SFXN4: variants seen among roughly 807,000 people sequenced by gnomAD.
SFXN4 encodes sideroflexin-4.
SFXN4 carries 48 observed loss-of-function variants against 54.6 expected under a neutral mutation model. The ratio of observed to expected loss-of-function variants is 0.88; its 90% CI spans 0.70 to 1.12. The LOEUF (loss-of-function observed/expected upper bound fraction) is 1.12. Ranked by LOEUF, SFXN4 falls within the 50% of genes most tolerant of loss-of-function variation. The pLI is 0.00. For synonymous variants in SFXN4, 130 were observed against 145.5 expected (o/e 0.89, Z 0.77); for missense variants, 383 against 409.2 (o/e 0.94, Z 0.55).
intron 2 of SFXN4, 48 bp downstream of exon 2, chr10:119,164,083 G>C: frequency 1.4e-6 from 1 of 710,298 alleles, no homozygotes; most frequent in Admixed American, 2.6e-5. Flanking sequence ...CAGACTTCAA[G>C]TTTCAAAATA....
In SFXN4 at chr10:119,154,702, T is replaced by C. The variant is rs112618439; in HGVS notation, c.732+360A>G. Among the ~76,000 whole-genome samples the C allele has an allele frequency of 3.9e-3, 589 of 152,182 alleles. 4 individuals are homozygous for C. The highest frequency in any genetic ancestry group is 0.013 in the African/African-American group (559 of 41,514). ...CAAAAATAAGCCAGGTGCAGTGGTG[T>C]GTGCCTGTGGTCCCAGCTACTTGAG... On this transcript the variant is annotated intron_variant, in intron 11 of 13. Transcript: ENST00000355697.
intron 10 of SFXN4, among the ~76,000 whole-genome samples, chr10:119,155,583 C>T (rs1847249734): frequency 6.6e-6 from 1 of 152,176 alleles, no homozygotes; most frequent in Admixed American, 6.5e-5. Context: ...ACCTCCGCCT[C>T]CCGGGTTCAA....
chr10:119,163,719 T>C (rs986619706), intron 2 of SFXN4, among the ~76,000 whole-genome samples: 17 of 152,246 alleles, frequency 1.1e-4, no homozygotes, highest in Admixed American at 9.8e-4. Context: ...ACGCTTTTCC[T>C]TACCCCTTCC....
chr10:119,157,033 C>T (rs1190974661), intron 9 of SFXN4, among the ~76,000 whole-genome samples: 2 of 152,208 alleles, frequency 1.3e-5, no homozygotes, highest in African/African-American at 2.4e-5. Context: ...CTGATGCCAA[C>T]ATCTCCCCAT....
chr10:119,155,040 A>G (rs12767617), intron 11 of SFXN4, 22 bp downstream of exon 11: 2 of 1,561,726 alleles, frequency 1.3e-6, no homozygotes, highest in Non-Finnish European at 1.8e-6. Context: ...GCAAGCAGCT[A>G]TAGCTTCATC....
Position 119,160,594 on chromosome 10 carries a change from T to C in SFXN4, c.334+321A>G, listed in dbSNP as rs1349230871. On this transcript the variant is annotated intron_variant, in intron 5 of 13. Transcript: ENST00000355697. Reference sequence around the variant, plus strand: ...GCAGGCAGAGTTTTCTTTTCTTTTTTTTTTTTTTTTTGGACACGGAGTTTC... The same window carrying C: ...GCAGGCAGAGTTTTCTTTTCTTTTTCTTTTTTTTTTTGGACACGGAGTTTC... Among the ~76,000 whole-genome samples, 5 of 148,532 alleles carry C rather than the reference T, an allele frequency of 3.4e-5. No homozygotes were observed. In the East Asian group the frequency reaches 5.9e-4, roughly 17 times the overall value.
intron 13 of SFXN4, among the ~76,000 whole-genome samples, chr10:119,143,022 A>G (rs1021085321): frequency 1.3e-5 from 2 of 151,686 alleles, no homozygotes; most frequent in African/African-American, 2.4e-5. Flanking sequence ...ATGAGCCACC[A>G]CGCCCGGCCC....
At chr10:119,165,212 G>C (rs1198845029) in intron 1 of SFXN4, 2 of 1,078,458 alleles carry the variant, frequency 1.9e-6, no homozygotes, top group African/African-American at 3.4e-5. Context: ...CAAGGTGCGA[G>C]AGCCTGTTTC....
intron 1 of SFXN4, 152 bp downstream of exon 1, chr10:119,165,385 C>T (rs926573641): frequency 7.5e-7 from 1 of 1,331,842 alleles, no homozygotes; most frequent in Non-Finnish European, 9.6e-7. Flanking sequence ...GGGTGAAGGC[C>T]GGTGGTGCGC....
chr10:119,151,656 C>T (rs1847073926), intron 11 of SFXN4, among the ~76,000 whole-genome samples: 1 of 151,910 alleles, frequency 6.6e-6, no homozygotes, highest in African/African-American at 2.4e-5. Flanking sequence ...GCTGGGACTA[C>T]AGGCATGAGC....
chr10:119,161,604 A>G (rs1353112475), intron 3 of SFXN4, among the ~76,000 whole-genome samples: 1 of 152,214 alleles, frequency 6.6e-6, no homozygotes, highest in Non-Finnish European at 1.5e-5. Flanking sequence ...GAATAAACAA[A>G]TGAACTAATG....
intron 12 of SFXN4, among the ~76,000 whole-genome samples, chr10:119,146,936 T>TG (rs918605455): frequency 1.3e-5 from 2 of 151,998 alleles, no homozygotes; most frequent in Non-Finnish European, 2.9e-5. Flanking sequence ...GCCACACTGG[T>TG]GGGGGGGATG....
At chr10:119,153,859 C>T (rs531718391) in intron 11 of SFXN4, among the ~76,000 whole-genome samples, 14 of 152,262 alleles carry the variant, frequency 9.2e-5, no homozygotes, top group Admixed American at 2.0e-4. Context: ...ACACAGGGCA[C>T]GTCTGCAATC....
intron 8 of SFXN4, 53 bp downstream of exon 8, chr10:119,157,818 C>T (rs2133610447): frequency 6.2e-7 from 1 of 1,608,628 alleles, no homozygotes; most frequent in South Asian, 1.1e-5. Flanking sequence ...ATACAACAAA[C>T]TCCAAAAGGA....
intron 1 of SFXN4, among the ~76,000 whole-genome samples, chr10:119,164,619 G>A (rs1847693759): frequency 6.6e-6 from 1 of 152,258 alleles, no homozygotes; most frequent in Admixed American, 6.5e-5. Context: ...ACAAAGGATG[G>A]ACGCCCCATT....
intron 11 of SFXN4, among the ~76,000 whole-genome samples, chr10:119,149,054 C>T (rs1354808472): frequency 1.3e-5 from 2 of 151,986 alleles, no homozygotes; most frequent in Non-Finnish European, 2.9e-5. Flanking sequence ...GCCCGGCTAA[C>T]TTTTCGATTT....
chr10:119,164,297 A>G, intron 1 of SFXN4, 101 bp from the exon 2 acceptor site: 1 of 646,710 alleles, frequency 1.5e-6, no homozygotes, highest in Admixed American at 3.3e-5. Context: ...AGAACCTGCC[A>G]GGGTCTGTGA....
chr10:119,151,729 T>G (rs903782872), intron 11 of SFXN4, among the ~76,000 whole-genome samples: 1 of 151,900 alleles, frequency 6.6e-6, no homozygotes, highest in Admixed American at 6.6e-5. Context: ...TTGGCCAGGC[T>G]GGTCTCAAAC....
At chr10:119,142,005 C>A (rs1054370472) in intron 13 of SFXN4, among the ~76,000 whole-genome samples, 1 of 152,032 alleles carries the variant, frequency 6.6e-6, no homozygotes, top group East Asian at 1.9e-4. Context: ...AGTTTGCAAT[C>A]AGCCTGGGCA....
Sources: allele counts gnomAD v4.1 joint callset (sites outside exome capture counted in the v4.1 genomes callset), GRCh38; gene constraint gnomAD v4.1.1; transcripts MANE v1.5; gene names NCBI Gene and HGNC (gene_info 2026-07-23, HGNC 2026-07-21).